The following VPS13B variants were observed in gnomAD, a reference collection of about 807,000 sequenced individuals.
The protein encoded by VPS13B is vacuolar protein sorting 13 homolog B.
Under a neutral mutation model 426.4 loss-of-function variants are expected in VPS13B, and 285 were observed. The ratio of observed to expected loss-of-function variants is 0.67; its 90% CI spans 0.61 to 0.74. The LOEUF is 0.74. VPS13B is among the 30% of genes least tolerant of loss of function. VPS13B has a pLI of 0.00. For missense variants in VPS13B, 4,537 were observed against 4,782.6 expected (o/e 0.95, Z 1.51); for synonymous variants, 1,676 against 1,676.4 (o/e 1.00, Z 0.01).
rs1286525113 is a variant in VPS13B, at chr8:99,313,862, C to G, written c.2824+38608C>G. ...CTTTGTTTACCTACTCATGCCTCAG[C>G]AATGGTGGGTGCCCCTCCCCCACCC... On this transcript the variant is annotated intron_variant, in intron 19 of 61. Coordinates refer to ENST00000357162, the MANE Select transcript of VPS13B (RefSeq NM_152564.5). 6.6e-5 allele frequency among the ~76,000 whole-genome samples: 10 copies of G among 152,152 alleles called. No individual in the cohort carries two copies. In the East Asian group the frequency reaches 1.7e-3, roughly 26 times the overall value.
chr8:99,344,718 T>C (rs1403909009), intron 19 of VPS13B, among the ~76,000 whole-genome samples: 1 of 152,126 alleles, frequency 6.6e-6, no homozygotes, highest in Non-Finnish European at 1.5e-5. Context: ...TGTTCCTCTT[T>C]TTTTTTCCAG....
chr8:99,147,873 C>T lies in VPS13B; in HGVS notation c.1876C>T (p.Pro626Ser). 1 of 1,604,652 alleles carries T rather than the reference C, an allele frequency of 6.2e-7. No individual in the cohort carries two copies. Among genetic ancestry groups the T allele is most frequent in the Non-Finnish European group, 8.5e-7 (1 of 1,175,958 alleles). The change falls in exon 14 of 62, where the codon CCT becomes TCT. Residue 626 changes from proline (P) to serine (S), a missense_variant. This residue lies in a region of VPS13B where 4,311 missense variants were observed against 4,474.3 expected (regional missense o/e 0.96). Coordinates refer to ENST00000357162, the MANE Select transcript of VPS13B (RefSeq NM_152564.5). ...GGATGAAAATGAAACAATACTGAAT[C>T]CTGAAGAGGTGGCTCTTCTGGAGGA... ...IKDENETILN[P>S]EEVALLEEYI...
rs1167957396 is a variant in VPS13B, at chr8:99,766,819, G to A, written c.7096G>A (p.Val2366Ile). The A allele has an allele frequency of 6.2e-7, 1 of 1,613,940 alleles. No homozygotes were observed. Among genetic ancestry groups the A allele is most frequent in the Admixed American group, 1.7e-5 (1 of 60,006 alleles). Residue 2366 changes from valine (V) to isoleucine (I), a missense_variant, in exon 40 of 62, where the codon GTT (valine) becomes ATT (isoleucine). Val to Ile is a conservative substitution (Grantham distance 29). Transcript: ENST00000357162. Reference sequence around the variant, plus strand: ...CTGGGATGAACTCCAGAAGGTTTTTGTTGCATTTAGAGAATTTAATCTGTC... The same window carrying A: ...CTGGGATGAACTCCAGAAGGTTTTTATTGCATTTAGAGAATTTAATCTGTC... ...EYWDELQKVF[V>I]AFREFNLSES... is the part of the protein sequence containing the mutation.
intron 5 of VPS13B, among the ~76,000 whole-genome samples, chr8:99,109,833 C>T (rs765435874): frequency 3.7e-4 from 57 of 152,106 alleles, no homozygotes; most frequent in Middle Eastern, 3.4e-3. Context: ...TTAACAGGAC[C>T]GTGTAAATAT....
intron 23 of VPS13B, among the ~76,000 whole-genome samples, chr8:99,465,810 A>G (rs983071704): frequency 9.2e-5 from 14 of 152,174 alleles, no homozygotes; most frequent in African/African-American, 3.4e-4. Flanking sequence ...AAGACAGACA[A>G]AGTACCATAG....
chr8:99,339,022 T>G (rs1811085793), intron 19 of VPS13B, among the ~76,000 whole-genome samples: 1 of 152,168 alleles, frequency 6.6e-6, no homozygotes, highest in Non-Finnish European at 1.5e-5. Flanking sequence ...CATATCAGAG[T>G]TGGACACTAT....
chr8:99,287,913 T>C (rs1204652155), intron 19 of VPS13B, among the ~76,000 whole-genome samples: 2 of 152,026 alleles, frequency 1.3e-5, no homozygotes, highest in Non-Finnish European at 1.5e-5. Flanking sequence ...TAGCGAAGTT[T>C]ATGAAGAATT....
Position 99,840,388 on chromosome 8 carries a change from A to G in VPS13B, c.9942+4650A>G, listed in dbSNP as rs762778048. On this transcript the variant is annotated intron_variant, in intron 54 of 61. Transcript: ENST00000357162. ...ATATTGGCCTAGTCCAGCTTGTTGA[A>G]ATCACTTTTTAAAAAATTGTGATGC... Among the ~76,000 whole-genome samples the G allele has an allele frequency of 1.4e-4, 21 of 152,214 alleles. 1 individual carries two copies. Among genetic ancestry groups the G allele is most frequent in the Admixed American group, 1.4e-3 (21 of 15,278 alleles).
At chr8:99,017,529 C>G (rs752698129) in intron 2 of VPS13B, among the ~76,000 whole-genome samples, 2 of 151,024 alleles carry the variant, frequency 1.3e-5, no homozygotes, top group Non-Finnish European at 2.9e-5. Context: ...GAGTCTTGCT[C>G]TGTAGCCCAG....
chr8:99,867,255 A>C (rs1433517606), intron 58 of VPS13B, among the ~76,000 whole-genome samples: 1 of 152,158 alleles, frequency 6.6e-6, no homozygotes, highest in Non-Finnish European at 1.5e-5. Context: ...CATCACGAAA[A>C]AAAAATCAGA....
intron 7 of VPS13B, among the ~76,000 whole-genome samples, chr8:99,118,819 T>G (rs950626486): frequency 6.6e-6 from 1 of 152,228 alleles, no homozygotes. Flanking sequence ...TGGGCTGTTT[T>G]TCGTTTTTGG....
In VPS13B at chr8:99,387,121, A is replaced by G. The variant is rs530081287; in HGVS notation, c.2934+2804A>G. ...TATTTTTACAAGTGTAATTAGTAGCACTAGGCAAGTATTTTGCATTTTAGA... is the reference window on the plus strand; with the variant it reads ...TATTTTTACAAGTGTAATTAGTAGCGCTAGGCAAGTATTTTGCATTTTAGA... On this transcript the variant is annotated intron_variant, in intron 20 of 61. Transcript: ENST00000357162. 5.9e-5 allele frequency among the ~76,000 whole-genome samples: 9 copies of G among 152,344 alleles called. No homozygotes were observed. The South Asian group carries it at 1.9e-3, about 32-fold the overall frequency.
chr8:99,819,624 C>CATT (rs746332473), intron 48 of VPS13B, 42 bp downstream of exon 48: 1 of 1,597,180 alleles, frequency 6.3e-7, no homozygotes, highest in Non-Finnish European at 8.6e-7. Flanking sequence ...AATTTCTCAA[C>CATT]ATTAACAAAT....
chr8:99,719,695 A>G lies in VPS13B; in HGVS notation c.6658-650A>G, dbSNP rs114424842. Among the ~76,000 whole-genome samples the G allele has an allele frequency of 7.2e-3, 1,098 of 152,278 alleles. 8 individuals are homozygous for G. Among genetic ancestry groups the G allele is most frequent in the African/African-American group, 0.025 (1,059 of 41,564 alleles). The stretch of plus-strand genomic sequence containing the variant: ...TATAACTTAGTAGTTATAGACTAAT[A>G]TTACTCACATGCAGAAAAATAAAAC... On this transcript the variant is annotated intron_variant, in intron 37 of 61. Transcript: ENST00000357162.
intron 33 of VPS13B, among the ~76,000 whole-genome samples, chr8:99,578,383 G>C (rs751504248): frequency 1.6e-4 from 24 of 152,096 alleles, no homozygotes; most frequent in Admixed American, 3.9e-4. Flanking sequence ...GAAATGAAGA[G>C]GAATTTAGGT....
rs1816888425 is a variant in VPS13B, at chr8:99,428,699, C to A, written c.3083-2838C>A. On this transcript the variant is annotated intron_variant, in intron 21 of 61. Transcript: ENST00000357162. ...CTGTTGGTGGGAGTGTAAACTGGTT[C>A]AACCATTGTGGAAGTCAGTGTGGTG... Among the ~76,000 whole-genome samples, 3 of 152,172 alleles carry A rather than the reference C, an allele frequency of 2.0e-5. No homozygotes were observed. The South Asian group carries it at 6.2e-4, about 32-fold the overall frequency.
Position 99,511,278 on chromosome 8 carries a change from ATTC to A in VPS13B, c.4405_4407del (p.Leu1469del), listed in dbSNP as rs386834088. ...TGGTTCTCCTCATTTTCTTCATGAAATTCTTCTTTCAGCACAAGCTTTTGATAT... is the reference window on the plus strand; with the variant it reads ...TGGTTCTCCTCATTTTCTTCATGAAATTCTTTCAGCACAAGCTTTTGATAT... On this transcript the variant is annotated inframe_deletion, in exon 29 of 62. Coordinates refer to ENST00000357162, the MANE Select transcript of VPS13B (RefSeq NM_152564.5). 6.2e-6 allele frequency: 10 copies of A among 1,614,068 alleles called. No homozygotes were observed. Among genetic ancestry groups the A allele is most frequent in the East Asian group, 4.5e-5 (2 of 44,860 alleles).
At chr8:99,597,442 G>A (rs1174369377) in intron 33 of VPS13B, among the ~76,000 whole-genome samples, 1 of 152,030 alleles carries the variant, frequency 6.6e-6, no homozygotes, top group Non-Finnish European at 1.5e-5. Flanking sequence ...AAAGAGAGAA[G>A]GAGCCAAATG....
At chr8:99,686,409 C>T (rs1453618036) in intron 35 of VPS13B, among the ~76,000 whole-genome samples, 2 of 150,774 alleles carry the variant, frequency 1.3e-5, no homozygotes, top group Non-Finnish European at 2.9e-5. Flanking sequence ...GCTCTATAAC[C>T]TGCCAGGCTT....
Sources: gnomAD v4.1 joint callset for allele counts (sites outside exome capture counted in the v4.1 genomes callset) on GRCh38, gnomAD v4.1.1 for gene constraint, gnomAD v4.1.1 regional missense constraint, MANE v1.5 for transcripts, NCBI Gene and HGNC (gene_info 2026-07-23, HGNC 2026-07-21) for gene names.